The following GRIN2A variants were observed in gnomAD, a reference collection of about 807,000 sequenced individuals.
GRIN2A encodes the protein glutamate receptor ionotropic, NMDA 2A.
GRIN2A carries 22 observed loss-of-function variants against 113.4 expected under a neutral mutation model. That is an observed-to-expected ratio of 0.19 (90% confidence interval 0.14 to 0.28). The LOEUF is 0.28. Ranked by LOEUF, GRIN2A falls within the 10% of genes least tolerant of loss-of-function variation. The probability of loss-of-function intolerance (pLI) is 1.00; values close to 1 mark genes in which losing one functional copy is unlikely to be tolerated. For missense variants in GRIN2A, 1,502 were observed against 1,887.0 expected, an observed-to-expected ratio of 0.80 and a Z score of 3.78; for synonymous variants, 827 against 738.4, an observed-to-expected ratio of 1.12 and a Z score of -1.94.
chr16:9,896,027 G>A (rs1040276735), intron 3 of GRIN2A, among the ~76,000 whole-genome samples: 5 of 151,732 alleles, frequency 3.3e-5, no homozygotes, highest in African/African-American at 7.3e-5. Context: ...ACAAGGTTGC[G>A]TAACATGAAC....
chr16:10,050,716 A>G (rs955184480), intron 2 of GRIN2A, among the ~76,000 whole-genome samples: 1 of 152,168 alleles, frequency 6.6e-6, no homozygotes, highest in African/African-American at 2.4e-5. Flanking sequence ...GAATCATTCC[A>G]AAACCATCAG....
intron 2 of GRIN2A, among the ~76,000 whole-genome samples, chr16:10,075,422 A>G (rs28634372): frequency 0.14 from 21,174 of 151,902 alleles, 1,981 homozygotes; most frequent in African/African-American, 0.27. Flanking sequence ...GTAGAATAGT[A>G]GTTACCAGGG....
intron 2 of GRIN2A, among the ~76,000 whole-genome samples, chr16:10,144,596 T>G (rs2049393544): frequency 6.6e-6 from 1 of 152,232 alleles, no homozygotes; most frequent in South Asian, 2.1e-4. Flanking sequence ...GCAAATATTT[T>G]CTCCCATTCT....
intron 2 of GRIN2A, among the ~76,000 whole-genome samples, chr16:10,030,182 A>AT (rs71157802): frequency 0.4 from 24,179 of 60,624 alleles, 2,622 homozygotes; most frequent in East Asian, 0.66. Flanking sequence ...TTCTTGGGTG[A>AT]TTTTTTAAAA....
chr16:10,038,582 G>T (rs1467405037), intron 2 of GRIN2A, among the ~76,000 whole-genome samples: 3 of 151,944 alleles, frequency 2.0e-5, no homozygotes, highest in Non-Finnish European at 2.9e-5. Context: ...GGTGGCTCAC[G>T]CCTGTAATCC....
chr16:10,175,952 T>C (rs1343924443), intron 2 of GRIN2A, among the ~76,000 whole-genome samples: 1 of 151,922 alleles, frequency 6.6e-6, no homozygotes, highest in Non-Finnish European at 1.5e-5. Flanking sequence ...TAGAACTTCA[T>C]CTACATCGAG....
At chr16:10,126,377 G>A (rs939719490) in intron 2 of GRIN2A, among the ~76,000 whole-genome samples, 1 of 151,978 alleles carries the variant, frequency 6.6e-6, no homozygotes, top group East Asian at 1.9e-4. Flanking sequence ...ATGTTACCCA[G>A]ACTGGTCTCA....
chr16:10,085,074 C>T (rs761856829), intron 2 of GRIN2A, among the ~76,000 whole-genome samples: 5 of 152,168 alleles, frequency 3.3e-5, no homozygotes, highest in Admixed American at 6.5e-5. Context: ...AAGAAAGAAG[C>T]TTGGCAGGGA....
chr16:9,764,492 C>T lies in GRIN2A; in HGVS notation c.3052G>A (p.Val1018Met), dbSNP rs775756583. The change falls in exon 13 of 13, where the codon GTG (valine) becomes ATG (methionine). Residue 1018 changes from valine (V) to methionine (M), a missense_variant. Physicochemically the swap from Val to Met is conservative, Grantham distance 21 (BLOSUM62 1). Around this residue, in one of 7 missense-constraint regions of GRIN2A, gnomAD observed 832 missense variants for 789.7 expected, o/e 1.05. Transcript: ENST00000330684. ...AGTGAATCCTGGCGTATGGAATCCA[C>T]GGATTTCTTCCACAGCTGCCGGGGT... ...SRPRQLWKKSVDSIRQDSLSQ... is the reference protein window; with the variant it reads ...SRPRQLWKKSMDSIRQDSLSQ... 1.4e-5 allele frequency: 22 copies of T among 1,614,134 alleles called. No individual in the cohort carries two copies. Among genetic ancestry groups the T allele is most frequent in the East Asian group, 8.9e-5 (4 of 44,872 alleles).
intron 4 of GRIN2A, among the ~76,000 whole-genome samples, chr16:9,882,966 C>T (rs1253859428): frequency 6.6e-6 from 1 of 152,148 alleles, no homozygotes; most frequent in Non-Finnish European, 1.5e-5. Context: ...CTTCCCGCTG[C>T]CAGTTGTTCC....
chr16:9,987,190 T>C (rs1294826107), intron 2 of GRIN2A, among the ~76,000 whole-genome samples: 1 of 152,208 alleles, frequency 6.6e-6, no homozygotes, highest in Non-Finnish European at 1.5e-5. Context: ...AGATTACTAA[T>C]TATGAAAAAA....
intron 11 of GRIN2A, among the ~76,000 whole-genome samples, chr16:9,793,461 A>G (rs1456912435): frequency 1.3e-5 from 2 of 152,022 alleles, no homozygotes; most frequent in South Asian, 2.1e-4. Context: ...CTTTACTTCA[A>G]AGCCAGAAAT....
At chr16:10,148,420 T>C (rs1323425464) in intron 2 of GRIN2A, among the ~76,000 whole-genome samples, 1 of 152,176 alleles carries the variant, frequency 6.6e-6, no homozygotes, top group South Asian at 2.1e-4. Context: ...AATTACCAAA[T>C]ATAAAAGAGT....
intron 10 of GRIN2A, among the ~76,000 whole-genome samples, chr16:9,811,090 G>C (rs2141269034): frequency 6.6e-6 from 1 of 152,296 alleles, no homozygotes; most frequent in South Asian, 2.1e-4. Context: ...GGTCAGTGGA[G>C]ATGTGTTTAT....
At chr16:10,104,413 C>T (rs117708020) in intron 2 of GRIN2A, among the ~76,000 whole-genome samples, 2,131 of 152,136 alleles carry the variant, frequency 0.014, 26 homozygotes, top group Non-Finnish European at 0.021. Flanking sequence ...TGGAGGAGGA[C>T]CAGTTTGAAG....
intron 3 of GRIN2A, among the ~76,000 whole-genome samples, chr16:9,921,877 A>G (rs1038389015): frequency 6.6e-5 from 10 of 152,334 alleles, no homozygotes; most frequent in Admixed American, 2.0e-4. Flanking sequence ...ACAGCAAAAC[A>G]TTAACCCTGT....
chr16:9,952,381 A>C (rs1022412601), intron 2 of GRIN2A, among the ~76,000 whole-genome samples: 1 of 152,182 alleles, frequency 6.6e-6, no homozygotes, highest in East Asian at 1.9e-4. Flanking sequence ...GTGTACAAAG[A>C]CAGTGTGCAG....
At chr16:10,075,188 G>T (rs150668467) in intron 2 of GRIN2A, among the ~76,000 whole-genome samples, 1 of 151,984 alleles carries the variant, frequency 6.6e-6, no homozygotes, top group Non-Finnish European at 1.5e-5. Context: ...TACCTGGCGC[G>T]TAGTCAGCAC....
intron 10 of GRIN2A, among the ~76,000 whole-genome samples, chr16:9,804,308 C>T (rs893191406): frequency 5.3e-5 from 8 of 152,102 alleles, no homozygotes; most frequent in African/African-American, 1.9e-4. Flanking sequence ...AGGCTGCAGC[C>T]TGGTATGGGC....
Sources: allele counts gnomAD v4.1 joint callset (sites outside exome capture counted in the v4.1 genomes callset), GRCh38; gene constraint gnomAD v4.1.1; regional missense constraint gnomAD v4.1.1; transcripts MANE v1.5; gene names NCBI Gene and HGNC (gene_info 2026-07-23, HGNC 2026-07-21).